Variants in KCNN2 observed in about 807,000 individuals in gnomAD.
The protein encoded by KCNN2 is small conductance calcium-activated potassium channel protein 2.
In KCNN2, 24 loss-of-function variants were observed where a neutral mutation model predicts 55.5. The ratio of observed to expected loss-of-function variants is 0.43; its 90% CI spans 0.31 to 0.61. KCNN2 has a LOEUF of 0.61. Among genes scored for constraint, KCNN2 ranks in the 20% least tolerant of loss-of-function variants. KCNN2 has a pLI of 0.08. For missense variants in KCNN2, 754 were observed against 853.6 expected (o/e 0.88, Z 1.45); for synonymous variants, 431 against 336.1 (o/e 1.28, Z -3.09).
rs578062608 is a variant in KCNN2 at position 114,073,974 on chromosome 5, G to A, written c.-271+17474G>A. On this transcript the variant is annotated intron_variant, in intron 1 of 10. Transcript: ENST00000512097. ...TTTCATTTAATATGTCTGGGTGCTAGGTATTGTTTTTCCCTTCAAGTTTCT... is the reference window on the plus strand; with the variant it reads ...TTTCATTTAATATGTCTGGGTGCTAAGTATTGTTTTTCCCTTCAAGTTTCT... Among the ~76,000 whole-genome samples the A allele has an allele frequency of 2.0e-5, 3 of 152,222 alleles. No individual in the cohort carries two copies. The South Asian group carries it at 6.2e-4, about 32-fold the overall frequency.
At chr5:114,246,302 T>C (rs1754747633) in intron 2 of KCNN2, among the ~76,000 whole-genome samples, 1 of 152,196 alleles carries the variant, frequency 6.6e-6, no homozygotes, top group Non-Finnish European at 1.5e-5. Flanking sequence ...TTATGCATCT[T>C]ATTGGGTAAA....
intron 3 of KCNN2, among the ~76,000 whole-genome samples, chr5:114,414,578 C>T (rs1263812629): frequency 6.6e-6 from 1 of 152,082 alleles, no homozygotes; most frequent in South Asian, 2.1e-4. Context: ...ATTCAAAATC[C>T]CATGAGTCAA....
chr5:114,401,537 A>G (rs1283620357), intron 2 of KCNN2, among the ~76,000 whole-genome samples: 2 of 152,176 alleles, frequency 1.3e-5, no homozygotes, highest in Non-Finnish European at 2.9e-5. Flanking sequence ...CTCACTAACA[A>G]GTAGGGGAGA....
intron 3 of KCNN2, among the ~76,000 whole-genome samples, chr5:114,439,198 A>C (rs919265499): frequency 1.3e-5 from 2 of 152,204 alleles, no homozygotes; most frequent in African/African-American, 4.8e-5. Flanking sequence ...TATATGTATG[A>C]AAACATATCA....
chr5:114,187,421 A>C (rs1165158015), intron 1 of KCNN2, among the ~76,000 whole-genome samples: 5 of 152,076 alleles, frequency 3.3e-5, no homozygotes, highest in Non-Finnish European at 2.9e-5. Flanking sequence ...ATTTGATGGA[A>C]AGTATCCTAG....
rs1404261239 is a variant in KCNN2 at position 114,323,649 on chromosome 5, A to AATTTTTTTTTTT, written c.-184-37296_-184-37295insATTTTTTTTTTT. Among the ~76,000 whole-genome samples the AATTTTTTTTTTT allele has an allele frequency of 7.0e-5, 6 of 85,318 alleles. No homozygotes were observed. In the East Asian group the frequency reaches 2.6e-3, roughly 37 times the overall value. 56.0% of individuals were successfully genotyped at this position (85,318 alleles called of 152,430 possible). A position where few individuals can be genotyped will look rare whatever the true frequency, so the allele number is the denominator to read the frequency against. ...TAAGTATCATGATATAAACATATCAATTTTTTTTTTTTTTTTTTGCTGGTC... is the reference window on the plus strand; with the variant it reads ...TAAGTATCATGATATAAACATATCAAATTTTTTTTTTTTTTTTTTTTTTTTTTTTTGCTGGTC... On this transcript the variant is annotated intron_variant, in intron 2 of 10. Coordinates refer to the KCNN2 transcript ENST00000512097.
chr5:114,148,485 T>C (rs4705488), intron 1 of KCNN2, among the ~76,000 whole-genome samples: 132,432 of 152,114 alleles, frequency 0.87, 57,789 homozygotes, highest in East Asian at 0.94. Flanking sequence ...AGGTGACTCA[T>C]ACATCCATTG....
At chr5:114,207,680 T>C (rs942404744) in intron 1 of KCNN2, among the ~76,000 whole-genome samples, 1 of 152,206 alleles carries the variant, frequency 6.6e-6, no homozygotes, top group African/African-American at 2.4e-5. Context: ...ACTGCATCTG[T>C]CTCAGAATTA....
rs879443480 is a variant in KCNN2 at position 114,301,272 on chromosome 5, G to T, written c.-184-59673G>T. Reference sequence around the variant, plus strand: ...CTTTGTATCCTTTTCTGTAAAAGGGGAATGAAAAACTTTATCTCACTATGT... The same window carrying T: ...CTTTGTATCCTTTTCTGTAAAAGGGTAATGAAAAACTTTATCTCACTATGT... On this transcript the variant is annotated intron_variant, in intron 2 of 10. Transcript: ENST00000512097. Among the ~76,000 whole-genome samples, 10 of 151,988 alleles carry T rather than the reference G, an allele frequency of 6.6e-5. 1 individual carries two copies. Among genetic ancestry groups the T allele is most frequent in the African/African-American group, 1.5e-4 (6 of 41,378 alleles).
At chr5:114,280,555 G>A (rs984222528) in intron 2 of KCNN2, among the ~76,000 whole-genome samples, 4 of 152,116 alleles carry the variant, frequency 2.6e-5, no homozygotes, top group African/African-American at 7.2e-5. Flanking sequence ...AATTAAATAG[G>A]TAATTCTTTC....
At chr5:114,337,130 T>TGG (rs1385924385) in intron 2 of KCNN2, among the ~76,000 whole-genome samples, 1 of 152,166 alleles carries the variant, frequency 6.6e-6, no homozygotes, top group Non-Finnish European at 1.5e-5. Flanking sequence ...AAAAAGGGGA[T>TGG]GATCACTGGA....
chr5:114,098,281 A>G (rs192657927), intron 1 of KCNN2, among the ~76,000 whole-genome samples: 1 of 152,168 alleles, frequency 6.6e-6, no homozygotes, highest in East Asian at 1.9e-4. Flanking sequence ...GAACATTCAC[A>G]GCTTCTGAGA....
intron 3 of KCNN2, among the ~76,000 whole-genome samples, chr5:114,460,501 C>A (rs1405116031): frequency 6.6e-6 from 1 of 152,126 alleles, no homozygotes; most frequent in African/African-American, 2.4e-5. Flanking sequence ...ACTTTGGTCT[C>A]CCAAAGTGGT....
intron 1 of KCNN2, among the ~76,000 whole-genome samples, chr5:114,128,578 C>G (rs1224384960): frequency 6.6e-6 from 1 of 152,136 alleles, no homozygotes; most frequent in Non-Finnish European, 1.5e-5. Context: ...GTTAGGATTT[C>G]AACATATCAT....
Position 114,362,658 on chromosome 5 carries a change from C to G in KCNN2, c.519C>G (p.Leu173=). ...LQPAASPTGS[L]GSLGSGPPLS... ...CCGCCGCCAGCCCCACGGGCAGCCT[C>G]GGCAGTCTGGGCTCCGGGCCCCCGC... is the stretch of plus-strand genomic sequence containing the variant. The change falls in exon 1 of 8, where the codon CTC becomes CTG. Residue 173 remains leucine (L), a synonymous_variant. Transcript: ENST00000673685. 2 of 1,371,986 alleles carry G rather than the reference C, an allele frequency of 1.5e-6. No homozygotes were observed. Among genetic ancestry groups the G allele is most frequent in the South Asian group, 1.5e-5 (1 of 66,456 alleles). 85.0% of individuals were successfully genotyped at this position (1,371,986 alleles called of 1,614,324 possible).
At chr5:114,197,562 T>A (rs533895989) in intron 1 of KCNN2, among the ~76,000 whole-genome samples, 1 of 152,332 alleles carries the variant, frequency 6.6e-6, no homozygotes, top group African/African-American at 2.4e-5. Flanking sequence ...CCCAGTATTC[T>A]CAGCTTGCAG....
At chr5:114,354,218 T>C (rs1757260192) in intron 2 of KCNN2, among the ~76,000 whole-genome samples, 1 of 152,208 alleles carries the variant, frequency 6.6e-6, no homozygotes, top group East Asian at 1.9e-4. Context: ...TTTCATATGG[T>C]TACTCTACTT....
At position 114,241,812 on chromosome 5, in the gene KCNN2, ATATATATGTGTG is replaced by A. The variant is rs1754645261; in HGVS notation, c.-185+20255_-185+20266del. ...TATATATGTATATATATACGTATAT[ATATATATGTGTG>A]TATATATATATATATATATATGGAG... On this transcript the variant is annotated intron_variant, in intron 2 of 10. Coordinates refer to the KCNN2 transcript ENST00000512097. 2.6e-4 allele frequency among the ~76,000 whole-genome samples: 8 copies of A among 31,116 alleles called. 2 individuals are homozygous for A. The highest frequency in any genetic ancestry group is 3.2e-4 in the Non-Finnish European group (4 of 12,338). The allele number at this position is 31,116 out of a possible 152,430, so 20.4% of individuals were successfully genotyped here. A position where few individuals can be genotyped will look rare whatever the true frequency, so the allele number is the denominator to read the frequency against.
At chr5:114,373,584 T>G (rs1757828910) in intron 2 of KCNN2, among the ~76,000 whole-genome samples, 2 of 141,554 alleles carry the variant, frequency 1.4e-5, no homozygotes, top group Non-Finnish European at 3.1e-5. Context: ...TTCAATTTTC[T>G]TGTCTGTAAA....
Sources: gnomAD v4.1 joint callset for allele counts (sites outside exome capture counted in the v4.1 genomes callset) on GRCh38, gnomAD v4.1.1 for gene constraint, MANE v1.5 for transcripts, NCBI Gene and HGNC (gene_info 2026-07-23, HGNC 2026-07-21) for gene names.